The following RORA variants were observed in gnomAD, a reference collection of about 807,000 sequenced individuals.
RORA encodes the protein RAR related orphan receptor A.
RORA carries 7 observed loss-of-function variants against 69.5 expected under a neutral mutation model. The ratio of observed to expected loss-of-function variants is 0.10; its 90% CI spans 0.06 to 0.19. The LOEUF (loss-of-function observed/expected upper bound fraction) is 0.19. Ranked by LOEUF, RORA falls within the 10% of genes least tolerant of loss-of-function variation. The probability of loss-of-function intolerance (pLI) is 1.00; values close to 1 mark genes in which losing one functional copy is unlikely to be tolerated. For synonymous variants in RORA, 261 were observed against 240.8 expected, an observed-to-expected ratio of 1.08 and a Z score of -0.78; for missense variants, 457 against 663.0, an observed-to-expected ratio of 0.69 and a Z score of 3.41.
chr15:60,791,746 G>A (rs1257757406), intron 1 of RORA, among the ~76,000 whole-genome samples: 1 of 152,202 alleles, frequency 6.6e-6, no homozygotes, highest in African/African-American at 2.4e-5. Context: ...GAACAGAAAA[G>A]TGACTTTATC....
chr15:61,181,941 A>G (rs1198901345), intron 1 of RORA, among the ~76,000 whole-genome samples: 1 of 152,222 alleles, frequency 6.6e-6, no homozygotes, highest in Non-Finnish European at 1.5e-5. Flanking sequence ...CCTTTCTTAC[A>G]GCCATCCACT....
chr15:60,919,053 G>A (rs150907219), intron 1 of RORA, among the ~76,000 whole-genome samples: 65 of 152,068 alleles, frequency 4.3e-4, no homozygotes, highest in Admixed American at 1.1e-3. Flanking sequence ...AAAGACATGC[G>A]GCTTATATAA....
At chr15:61,125,148 A>G (rs1567000585) in intron 1 of RORA, among the ~76,000 whole-genome samples, 1 of 152,224 alleles carries the variant, frequency 6.6e-6, no homozygotes, top group Non-Finnish European at 1.5e-5. Context: ...GGTCCACTAA[A>G]TGTCATATTT....
intron 1 of RORA, among the ~76,000 whole-genome samples, chr15:61,018,353 T>C (rs974274449): frequency 6.6e-6 from 1 of 152,100 alleles, no homozygotes; most frequent in Admixed American, 6.5e-5. Context: ...TTATGGGGCT[T>C]TTCTTTCCCC....
At chr15:60,580,840 T>C (rs1438226794) in intron 2 of RORA, among the ~76,000 whole-genome samples, 1 of 152,228 alleles carries the variant, frequency 6.6e-6, no homozygotes, top group African/African-American at 2.4e-5. Context: ...CTAGACTTTA[T>C]TGTTACTAGC....
intron 1 of RORA, among the ~76,000 whole-genome samples, chr15:60,817,686 G>A (rs1274789095): frequency 1.3e-5 from 2 of 152,294 alleles, no homozygotes; most frequent in African/African-American, 4.8e-5. Flanking sequence ...CTAGTTCCCA[G>A]GTACACGTTA....
At chr15:60,901,337 A>G (rs1186141159) in intron 1 of RORA, among the ~76,000 whole-genome samples, 3 of 152,166 alleles carry the variant, frequency 2.0e-5, no homozygotes, top group Non-Finnish European at 4.4e-5. Flanking sequence ...ACACCCAGCT[A>G]ATTTTTGTAC....
rs117179434 is a variant in RORA at position 61,154,397 on chromosome 15, T to A, written c.166+74656A>T. Among the ~76,000 whole-genome samples the A allele has an allele frequency of 2.4e-4, 36 of 152,236 alleles. No individual in the cohort carries two copies. The East Asian group carries it at 6.2e-3, about 26-fold the overall frequency. On this transcript the variant is annotated intron_variant, in intron 1 of 10. Transcript: ENST00000335670. Reference sequence around the variant, plus strand: ...CTCTCAGAGCCATAAGCCTTTCTAATGCCCTGGCTTTCAAGGTGAAAAATA... The same window carrying A: ...CTCTCAGAGCCATAAGCCTTTCTAAAGCCCTGGCTTTCAAGGTGAAAAATA...
At chr15:61,126,196 G>A (rs1223775439) in intron 1 of RORA, among the ~76,000 whole-genome samples, 2 of 152,106 alleles carry the variant, frequency 1.3e-5, no homozygotes, top group East Asian at 1.9e-4. Flanking sequence ...GCTCTCAGAT[G>A]TCTTTTCCCC....
rs1212306792 is a variant in RORA, at chr15:60,488,521, C to T, written c.*8934G>A. 1 of 150,878 alleles carries T rather than the reference C, an allele frequency of 6.6e-6. No individual in the cohort carries two copies. The highest frequency in any genetic ancestry group is 1.5e-5 in the Non-Finnish European group (1 of 67,774). The allele number at this position is 150,878 out of a possible 1,614,324, so 9.3% of individuals were successfully genotyped here. A position where few individuals can be genotyped will look rare whatever the true frequency, so the allele number is the denominator to read the frequency against. On this transcript the variant is annotated 3_prime_UTR_variant, in exon 11 of 11. Coordinates refer to ENST00000335670, the MANE Select transcript of RORA (RefSeq NM_134261.3). The stretch of plus-strand genomic sequence containing the variant: ...AATCAAAATATTTTTTTTTTAAATT[C>T]AGGACTCAATAAAATAAACAGCTGG...
At chr15:61,194,898 A>G (rs766552203) in intron 1 of RORA, among the ~76,000 whole-genome samples, 5 of 152,120 alleles carry the variant, frequency 3.3e-5, no homozygotes, top group Non-Finnish European at 7.3e-5. Flanking sequence ...AGATAATTGC[A>G]GTACCATTCT....
chr15:61,156,360 T>G (rs2079442674), intron 1 of RORA, among the ~76,000 whole-genome samples: 1 of 152,180 alleles, frequency 6.6e-6, no homozygotes. Flanking sequence ...GTCGGTTCCT[T>G]GAGTTGTTTC....
rs552046514 is a variant in RORA, at chr15:61,101,051, C to T, written c.166+128002G>A. On this transcript the variant is annotated intron_variant, in intron 1 of 10. Transcript: ENST00000335670. Reference sequence around the variant, plus strand: ...TAGCTTGCACATATTAACTGCTCATCAGATGCTTGTAGAGAGAACAAATTA... The same window carrying T: ...TAGCTTGCACATATTAACTGCTCATTAGATGCTTGTAGAGAGAACAAATTA... Among the ~76,000 whole-genome samples the T allele has an allele frequency of 3.6e-4, 55 of 152,354 alleles. 1 individual carries two copies. In the East Asian group the frequency reaches 9.6e-3, roughly 27 times the overall value.
chr15:60,726,816 G>A (rs998467323), intron 1 of RORA, among the ~76,000 whole-genome samples: 8 of 152,138 alleles, frequency 5.3e-5, no homozygotes, highest in Non-Finnish European at 8.8e-5. Flanking sequence ...GGAGCCCTGA[G>A]GGTCGTGGGG....
At chr15:60,898,416 A>G (rs922498263) in intron 1 of RORA, among the ~76,000 whole-genome samples, 1 of 152,038 alleles carries the variant, frequency 6.6e-6, no homozygotes, top group African/African-American at 2.4e-5. Flanking sequence ...GTGGCTCACA[A>G]ATGCAATCCC....
intron 1 of RORA, among the ~76,000 whole-genome samples, chr15:61,027,067 T>C (rs1325496115): frequency 6.6e-6 from 1 of 152,086 alleles, no homozygotes; most frequent in African/African-American, 2.4e-5. Flanking sequence ...TCATTGTAAC[T>C]GAGCTGTATT....
At chr15:60,864,418 TCA>T (rs2073464187) in intron 1 of RORA, among the ~76,000 whole-genome samples, 1 of 152,138 alleles carries the variant, frequency 6.6e-6, no homozygotes, top group South Asian at 2.1e-4. Context: ...CCATAATTTT[TCA>T]CAGTTTCGAT....
chr15:60,664,782 A>G (rs1213687760), intron 2 of RORA, among the ~76,000 whole-genome samples: 3 of 152,230 alleles, frequency 2.0e-5, no homozygotes, highest in Admixed American at 6.5e-5. Context: ...ATTAAAATAG[A>G]TTCTTTTATT....
At chr15:60,697,733 A>G (rs780283069) in intron 1 of RORA, among the ~76,000 whole-genome samples, 1 of 152,144 alleles carries the variant, frequency 6.6e-6, no homozygotes, top group Non-Finnish European at 1.5e-5. Context: ...GTAAATTTCT[A>G]ATTTTTATAC....
Sources: gnomAD v4.1 joint callset for allele counts (sites outside exome capture counted in the v4.1 genomes callset) on GRCh38, gnomAD v4.1.1 for gene constraint, MANE v1.5 for transcripts, NCBI Gene and HGNC (gene_info 2026-07-23, HGNC 2026-07-21) for gene names.